Variants in ANO4 observed in about 807,000 individuals in gnomAD.
ANO4 encodes anoctamin-4.
Under a neutral mutation model 141.9 loss-of-function variants are expected in ANO4, and 69 were observed. That is an observed-to-expected ratio of 0.49 (90% CI 0.40 to 0.59). The LOEUF is 0.59. Ranked by LOEUF, ANO4 falls within the 20% of genes least tolerant of loss-of-function variation. The pLI, the probability that ANO4 is intolerant of heterozygous loss-of-function variation, is 0.00. For missense variants in ANO4, 894 were observed against 1,162.2 expected (o/e 0.77, Z 3.36); for synonymous variants, 350 against 394.3 (o/e 0.89, Z 1.33).
At chr12:100,722,350 C>T (rs1019139770) in intron 1 of ANO4, among the ~76,000 whole-genome samples, 3 of 152,152 alleles carry the variant, frequency 2.0e-5, no homozygotes, top group African/African-American at 7.2e-5. Context: ...TCCTGTTGTT[C>T]CTTGTTTAAA....
chr12:100,864,599 G>A (rs1458861783), intron 1 of ANO4, among the ~76,000 whole-genome samples: 1 of 152,040 alleles, frequency 6.6e-6, no homozygotes, highest in Non-Finnish European at 1.5e-5. Flanking sequence ...CCCACACACA[G>A]ACACCTTTCA....
intron 14 of ANO4, among the ~76,000 whole-genome samples, chr12:101,063,440 TA>T (rs1247394694): frequency 6.6e-6 from 1 of 152,226 alleles, no homozygotes; most frequent in Non-Finnish European, 1.5e-5. Context: ...CATAATATAT[TA>T]CCTTTTATGA....
rs1215045412 is a variant in ANO4 at position 101,032,725 on chromosome 12, C to T, written c.842-4370C>T. 2.6e-5 allele frequency among the ~76,000 whole-genome samples: 4 copies of T among 151,612 alleles called. No individual in the cohort carries two copies. In the South Asian group the frequency reaches 8.4e-4, roughly 32 times the overall value. ...AAAAAACACATGAAAAAATGCTCAC[C>T]ATCACTGGCCATCAGAGAAATGCAA... On this transcript the variant is annotated intron_variant, in intron 9 of 27. Transcript: ENST00000392977.
chr12:100,930,852 G>A (rs1243134076), intron 3 of ANO4, among the ~76,000 whole-genome samples: 1 of 152,044 alleles, frequency 6.6e-6, no homozygotes, highest in Non-Finnish European at 1.5e-5. Flanking sequence ...CAGAAACTGA[G>A]TTGTTTGGTA....
At position 100,740,039 on chromosome 12, in the gene ANO4, C is replaced by G. The variant is rs1353838646; in HGVS notation, c.292C>G (p.Leu98Val). Residue 98 changes from leucine to valine, a missense_variant, in exon 3 of 30, where the codon CTG becomes GTG. Coordinates refer to the ANO4 transcript ENST00000644049. ...CACACCTTTGTCCTGTCCAGCCTCA[C>G]TGTCTATCACTCCAGTGCCTTCTTA... 5.7e-6 allele frequency: 4 copies of G among 702,644 alleles called. 1 individual carries two copies. Among genetic ancestry groups the G allele is most frequent in the African/African-American group, 3.5e-5 (2 of 57,352 alleles). 43.5% of individuals were successfully genotyped at this position (702,644 alleles called of 1,614,324 possible). A position where few individuals can be genotyped will look rare whatever the true frequency, so the allele number is the denominator to read the frequency against.
At chr12:100,817,510 A>G (rs1286164006) in intron 1 of ANO4, among the ~76,000 whole-genome samples, 1 of 151,978 alleles carries the variant, frequency 6.6e-6, no homozygotes, top group Non-Finnish European at 1.5e-5. Flanking sequence ...TAAAAAAATA[A>G]TATATGTAAA....
chr12:100,996,250 C>T (rs528922085), intron 8 of ANO4, among the ~76,000 whole-genome samples: 5 of 152,284 alleles, frequency 3.3e-5, no homozygotes, highest in African/African-American at 7.2e-5. Context: ...TTTGCTTTCA[C>T]GCCTTTTTCT....
chr12:100,777,298 T>TTTTTTG (rs1555216684), intron 3 of ANO4, among the ~76,000 whole-genome samples: 1 of 139,540 alleles, frequency 7.2e-6, no homozygotes, highest in Non-Finnish European at 1.5e-5. Flanking sequence ...TTTTTTTTTT[T>TTTTTTG]AGTAGAGATG....
intron 6 of ANO4, among the ~76,000 whole-genome samples, chr12:100,974,614 G>T (rs962142886): frequency 2.0e-5 from 3 of 151,900 alleles, no homozygotes; most frequent in Admixed American, 2.0e-4. Flanking sequence ...AAAAATTATG[G>T]TAATGGGTAG....
At chr12:101,076,998 G>A (rs988059336) in intron 14 of ANO4, among the ~76,000 whole-genome samples, 1 of 152,174 alleles carries the variant, frequency 6.6e-6, no homozygotes, top group East Asian at 1.9e-4. Flanking sequence ...CTGGTGTCTG[G>A]GAACTTGGCT....
chr12:100,899,626 A>T lies in ANO4; in HGVS notation c.-140-2020A>T, dbSNP rs556070099. On this transcript the variant is annotated intron_variant, in intron 1 of 27. Coordinates refer to ENST00000392977, the MANE Select transcript of ANO4 (RefSeq NM_001286615.2). ...GTCATCCTTCCTTAAGATTTGCTAG[A>T]GTTTACAAATTGGCCCAGGTCATAT... Among the ~76,000 whole-genome samples the T allele has an allele frequency of 3.9e-5, 6 of 152,290 alleles. No individual in the cohort carries two copies. In the South Asian group the frequency reaches 1.2e-3, roughly 32 times the overall value.
chr12:100,991,533 A>AG (rs1341926069), intron 8 of ANO4, among the ~76,000 whole-genome samples: 5 of 150,970 alleles, frequency 3.3e-5, no homozygotes, highest in Admixed American at 6.6e-5. Flanking sequence ...AAAAAAAAAA[A>AG]AGAGAAAAAC....
At chr12:100,751,605 C>T (rs543258013) in intron 3 of ANO4, among the ~76,000 whole-genome samples, 60 of 152,130 alleles carry the variant, frequency 3.9e-4, no homozygotes, top group African/African-American at 1.3e-3. Context: ...TGTCCCAGGT[C>T]GTGTAACTCA....
At chr12:100,983,230 C>T (rs1467605595) in intron 7 of ANO4, among the ~76,000 whole-genome samples, 1 of 152,180 alleles carries the variant, frequency 6.6e-6, no homozygotes, top group Admixed American at 6.5e-5. Context: ...TGTGGAATGG[C>T]AGCCTTAACA....
chr12:101,004,075 A>G (rs1271782044), intron 8 of ANO4, among the ~76,000 whole-genome samples: 6 of 152,070 alleles, frequency 3.9e-5, no homozygotes, highest in Non-Finnish European at 5.9e-5. Context: ...TTCTTTCTCT[A>G]GATCCCTATA....
intron 14 of ANO4, among the ~76,000 whole-genome samples, chr12:101,049,062 C>A (rs753186583): frequency 6.6e-6 from 1 of 152,146 alleles, no homozygotes; most frequent in Non-Finnish European, 1.5e-5. Flanking sequence ...AAAAACATCT[C>A]ACAAATTCAT....
intron 1 of ANO4, among the ~76,000 whole-genome samples, chr12:100,821,246 A>G (rs2036035778): frequency 6.6e-6 from 1 of 152,032 alleles, no homozygotes; most frequent in African/African-American, 2.4e-5. Flanking sequence ...AATTTTCAGG[A>G]ACTAATAAAA....
At chr12:100,889,900 T>G (rs2040021004) in intron 1 of ANO4, among the ~76,000 whole-genome samples, 1 of 152,176 alleles carries the variant, frequency 6.6e-6, no homozygotes, top group African/African-American at 2.4e-5. Context: ...TAAATTAATT[T>G]GAAGAATAAA....
At chr12:101,008,923 A>T (rs2045972773) in intron 8 of ANO4, among the ~76,000 whole-genome samples, 1 of 151,756 alleles carries the variant, frequency 6.6e-6, no homozygotes, top group Admixed American at 6.6e-5. Flanking sequence ...TTTGTCTTTC[A>T]CTTTTGTGGC....
Sources: allele counts gnomAD v4.1 joint callset (sites outside exome capture counted in the v4.1 genomes callset), GRCh38; gene constraint gnomAD v4.1.1; transcripts MANE v1.5; gene names NCBI Gene and HGNC (gene_info 2026-07-23, HGNC 2026-07-21).